The following SOS2 variants were observed in gnomAD, a reference collection of about 807,000 sequenced individuals.
SOS2 encodes SOS Ras/Rho guanine nucleotide exchange factor 2, also known as son of sevenless homolog 2.
A neutral mutation model predicts 148.2 loss-of-function variants in SOS2; 65 were observed. That is an observed-to-expected ratio of 0.44 (90% confidence interval 0.36 to 0.54). The LOEUF is 0.54. Ranked by LOEUF, SOS2 falls within the 20% of genes least tolerant of loss-of-function variation. The pLI, the probability that SOS2 is intolerant of heterozygous loss-of-function variation, is 0.00. For missense variants in SOS2, 1,341 were observed against 1,590.2 expected, an observed-to-expected ratio of 0.84 and a Z score of 2.67; for synonymous variants, 539 against 537.1, an observed-to-expected ratio of 1.00 and a Z score of -0.05.
rs1566478940 is a variant in SOS2 at position 50,204,320 on chromosome 14, T to C, written c.177A>G (p.Leu59=). 6.2e-7 allele frequency: 1 copy of C among 1,604,372 alleles called. No individual in the cohort carries two copies. Residue 59 remains leucine, a synonymous_variant, in exon 2 of 23, where the codon TTA becomes TTG. Transcript: ENST00000216373. ...GAACAGTCCTTGGCTGGGCCATGCATAATTTATTAAGCAGCTGAAAAATCA... is the reference window on the plus strand; with the variant it reads ...GAACAGTCCTTGGCTGGGCCATGCACAATTTATTAAGCAGCTGAAAAATCA... The part of the protein sequence containing the change: ...EELIFQLLNK[L]CMAQPRTVQD...
Position 50,117,329 on chromosome 14 carries a change from TG to T in SOS2, c.*1014del, listed in dbSNP as rs1883313271. ...CAAATAAAAGCTTTACTCACTTATC[TG>T]ATTAAAATGTTTAATAAAGCTTTAA... On this transcript the variant is annotated 3_prime_UTR_variant, in exon 23 of 23. Transcript: ENST00000216373. 1 of 152,208 alleles carries T rather than the reference TG, an allele frequency of 6.6e-6. No individual in the cohort carries two copies. The highest frequency in any genetic ancestry group is 2.1e-4 in the South Asian group (1 of 4,836). 9.4% of individuals were successfully genotyped at this position (152,208 alleles called of 1,614,324 possible).
In SOS2 at chr14:50,171,902, A is replaced by T. The variant is rs73285510; in HGVS notation, c.1068+2552T>A. 4.8e-3 allele frequency among the ~76,000 whole-genome samples: 738 copies of T among 152,256 alleles called. 7 individuals are homozygous for T. The highest frequency in any genetic ancestry group is 0.017 in the African/African-American group (700 of 41,546). On this transcript the variant is annotated intron_variant, in intron 8 of 22. Transcript: ENST00000216373. ...TGGTTGGCAAACAGGATTTGCTATT[A>T]CTGACACCTGCTACAGACTTTCTTG...
intron 4 of SOS2, among the ~76,000 whole-genome samples, chr14:50,197,633 C>A (rs1382300620): frequency 6.6e-6 from 1 of 151,486 alleles, no homozygotes; most frequent in Non-Finnish European, 1.5e-5. Flanking sequence ...GATTACACTG[C>A]AGTGGTCCCT....
intron 8 of SOS2, among the ~76,000 whole-genome samples, chr14:50,169,230 C>T (rs1159161326): frequency 6.6e-6 from 1 of 152,012 alleles, no homozygotes; most frequent in Non-Finnish European, 1.5e-5. Flanking sequence ...GCAAGAGAAT[C>T]GTTTAAACCT....
rs1272261716 is a variant in SOS2 at position 50,159,929 on chromosome 14, C to T, written c.1354G>A (p.Gly452Ser). ...FIMEGPLTRIGAKHERHIFLF... is the reference protein window; with the variant it reads ...FIMEGPLTRISAKHERHIFLF... ...AAAATATGCCGTTCATGTTTGGCACCGATTCTTGTCAATGGTCCCTCCATA... is the reference window on the plus strand; with the variant it reads ...AAAATATGCCGTTCATGTTTGGCACTGATTCTTGTCAATGGTCCCTCCATA... Residue 452 changes from glycine to serine, a missense_variant, in exon 10 of 23, where the codon GGT becomes AGT. Gly to Ser is a moderately conservative substitution (Grantham distance 56). Coordinates refer to ENST00000216373, the MANE Select transcript of SOS2 (RefSeq NM_006939.4). The T allele has an allele frequency of 5.6e-6, 9 of 1,613,962 alleles. No individual in the cohort carries two copies. Among genetic ancestry groups the T allele is most frequent in the South Asian group, 1.1e-5 (1 of 91,078 alleles).
upstream of SOS2, among the ~76,000 whole-genome samples, chr14:50,231,860 C>T (rs1887565371): frequency 6.6e-6 from 1 of 152,204 alleles, no homozygotes; most frequent in South Asian, 2.1e-4. Flanking sequence ...GCCGTTGCTG[C>T]CCCTTTAGCA....
intron 19 of SOS2, among the ~76,000 whole-genome samples, chr14:50,133,223 T>A (rs1883949862): frequency 6.7e-6 from 1 of 148,416 alleles, no homozygotes; most frequent in South Asian, 2.1e-4. Flanking sequence ...CATTTTTCCA[T>A]GAACTTTTTT....
At chr14:50,176,560 A>C (rs77072550) in intron 7 of SOS2, among the ~76,000 whole-genome samples, 3,164 of 152,356 alleles carry the variant, frequency 0.021, 74 homozygotes, top group Non-Finnish European at 0.026. Context: ...GCTACATTTG[A>C]GTATTTAATA....
chr14:50,145,354 G>A, intron 15 of SOS2, 22 bp from the exon 16 acceptor site: 1 of 1,583,122 alleles, frequency 6.3e-7, no homozygotes, highest in Non-Finnish European at 8.6e-7. Context: ...AAAAATTCAT[G>A]GCTTAGAAAA....
At chr14:50,162,897 A>ATT (rs112053842) in intron 8 of SOS2, among the ~76,000 whole-genome samples, 21 of 88,378 alleles carry the variant, frequency 2.4e-4, no homozygotes, top group African/African-American at 5.0e-4. Context: ...CAATGTTTTG[A>ATT]TTTTTTTTTT....
At position 50,193,094 on chromosome 14, in the gene SOS2, C is replaced by A. The variant is rs1322018341; in HGVS notation, c.511-4394G>T. Reference sequence around the variant, plus strand: ...GGCTCAAACAATCCTCCCACCTCAGCCTTCCAAGTAGCTGGGATGCACCAC... The same window carrying A: ...GGCTCAAACAATCCTCCCACCTCAGACTTCCAAGTAGCTGGGATGCACCAC... On this transcript the variant is annotated intron_variant, in intron 4 of 22. Transcript: ENST00000216373. Among the ~76,000 whole-genome samples, 6 of 152,020 alleles carry A rather than the reference C, an allele frequency of 3.9e-5. No homozygotes were observed. In the South Asian group the frequency reaches 1.0e-3, roughly 26 times the overall value.
intron 1 of SOS2, among the ~76,000 whole-genome samples, chr14:50,227,354 C>A (rs1320764803): frequency 1.4e-5 from 2 of 147,570 alleles, no homozygotes; most frequent in Non-Finnish European, 3.0e-5. Flanking sequence ...AAGAGATTCT[C>A]TGCCTCAGCC....
At chr14:50,193,885 T>C (rs1291077853) in intron 4 of SOS2, among the ~76,000 whole-genome samples, 1 of 151,986 alleles carries the variant, frequency 6.6e-6, no homozygotes, top group East Asian at 1.9e-4. Context: ...GCTGGGATTA[T>C]AGGCAATCGC....
intron 12 of SOS2, among the ~76,000 whole-genome samples, chr14:50,155,173 T>C (rs1043272843): frequency 6.6e-6 from 1 of 152,130 alleles, no homozygotes; most frequent in Non-Finnish European, 1.5e-5. Flanking sequence ...ATTCTCAGTT[T>C]TGCTGTATGT....
At chr14:50,135,004 C>T (rs769398515) in intron 18 of SOS2, among the ~76,000 whole-genome samples, 31 of 130,694 alleles carry the variant, frequency 2.4e-4, no homozygotes, top group Non-Finnish European at 3.9e-4. Context: ...ACCTGGCAGG[C>T]GGAGGTTGAG....
chr14:50,226,682 C>G (rs934080161), intron 1 of SOS2, among the ~76,000 whole-genome samples: 1 of 152,190 alleles, frequency 6.6e-6, no homozygotes, highest in African/African-American at 2.4e-5. Flanking sequence ...CTAGCTTTCT[C>G]TGACATTTTT....
At chr14:50,160,667 G>A (rs7153547) in intron 9 of SOS2, among the ~76,000 whole-genome samples, 129,182 of 151,946 alleles carry the variant, frequency 0.85, 55,075 homozygotes, top group East Asian at 0.92. Flanking sequence ...GATTATAGGC[G>A]TGAGCCACCG....
intron 1 of SOS2, among the ~76,000 whole-genome samples, chr14:50,227,023 A>G (rs554789619): frequency 4.6e-5 from 7 of 152,294 alleles, no homozygotes; most frequent in African/African-American, 1.7e-4. Flanking sequence ...TCTTTTAGGG[A>G]AGATACATAA....
chr14:50,192,214 T>C (rs1287620341), intron 4 of SOS2, among the ~76,000 whole-genome samples: 2 of 137,748 alleles, frequency 1.5e-5, no homozygotes, highest in African/African-American at 5.6e-5. Context: ...GATGGAGTAA[T>C]ACTACCATGA....
Sources: allele counts gnomAD v4.1 joint callset (sites outside exome capture counted in the v4.1 genomes callset), GRCh38; gene constraint gnomAD v4.1.1; transcripts MANE v1.5; gene names NCBI Gene and HGNC (gene_info 2026-07-23, HGNC 2026-07-21).